KIAA0753: variants seen among roughly 807,000 people sequenced by gnomAD.
KIAA0753 encodes the protein KIAA0753, also known as protein moonraker.
A neutral mutation model predicts 116.9 loss-of-function variants in KIAA0753; 114 were observed. The ratio of observed to expected loss-of-function variants is 0.98; its 90% CI spans 0.84 to 1.14. The LOEUF (loss-of-function observed/expected upper bound fraction) is 1.14. Ranked by LOEUF, KIAA0753 falls within the 50% of genes most tolerant of loss-of-function variation. The probability of loss-of-function intolerance (pLI) is 0.00; values close to 1 mark genes in which losing one functional copy is unlikely to be tolerated. For synonymous variants in KIAA0753, 405 were observed against 413.1 expected (o/e 0.98, Z 0.24); for missense variants, 1,156 against 1,172.4 (o/e 0.99, Z 0.20).
chr17:6,587,106 C>A (rs531481458), intron 18 of KIAA0753, among the ~76,000 whole-genome samples: 46 of 152,192 alleles, frequency 3.0e-4, no homozygotes, highest in Non-Finnish European at 5.1e-4. Flanking sequence ...GTAGCCAGTA[C>A]CTGTAATCCT....
chr17:6,588,464 T>TGGACTCAGGTAGGAGGAAAAGG (rs1968744661), intron 18 of KIAA0753, among the ~76,000 whole-genome samples: 1 of 152,098 alleles, frequency 6.6e-6, no homozygotes, highest in Non-Finnish European at 1.5e-5. Flanking sequence ...AGCAGCCGCC[T>TGGACTCAGGTAGGAGGAAAAGG]GGACTCAGGT....
chr17:6,615,637 A>AAC (rs1970868898), intron 7 of KIAA0753, among the ~76,000 whole-genome samples: 2 of 150,574 alleles, frequency 1.3e-5, no homozygotes, highest in African/African-American at 4.9e-5. Context: ...AAAAAAAAAA[A>AAC]AAAAACCTAA....
chr17:6,590,467 GTGAC>G (rs1968911400), intron 17 of KIAA0753, 39 bp downstream of exon 17: 1 of 1,609,276 alleles, frequency 6.2e-7, no homozygotes, highest in African/African-American at 1.3e-5. Context: ...AACATCAAAG[GTGAC>G]TGACTAGAAT....
chr17:6,611,901 A>C lies in KIAA0753; in HGVS notation c.1545+18T>G. 4.4e-6 allele frequency: 7 copies of C among 1,604,186 alleles called. No homozygotes were observed. The highest frequency in any genetic ancestry group is 6.0e-6 in the Non-Finnish European group (7 of 1,171,636). On this transcript the variant is annotated intron_variant, in intron 8 of 18. Coordinates refer to ENST00000361413, the MANE Select transcript of KIAA0753 (RefSeq NM_014804.3). ...CAGATTAACACAAATGGGCCAAAAG[A>C]GAGGAATGATTTCATACTTGCTGTC...
At chr17:6,630,997 G>A (rs1240198458) in intron 2 of KIAA0753, among the ~76,000 whole-genome samples, 1 of 152,152 alleles carries the variant, frequency 6.6e-6, no homozygotes, top group East Asian at 1.9e-4. Flanking sequence ...AAAGGACAGA[G>A]GGAATGGGGT....
At chr17:6,625,771 T>C (rs1971628421) in intron 3 of KIAA0753, among the ~76,000 whole-genome samples, 1 of 152,122 alleles carries the variant, frequency 6.6e-6, no homozygotes, top group Non-Finnish European at 1.5e-5. Flanking sequence ...CTGTCACCAG[T>C]CTCACACAGC....
chr17:6,584,450 C>T (rs1968417468), intron 18 of KIAA0753, among the ~76,000 whole-genome samples: 1 of 152,184 alleles, frequency 6.6e-6, no homozygotes, highest in Non-Finnish European at 1.5e-5. Context: ...TTTATGTTTG[C>T]TTCACTTTCT....
chr17:6,604,566 T>C (rs897320280), intron 12 of KIAA0753, among the ~76,000 whole-genome samples: 5 of 152,056 alleles, frequency 3.3e-5, no homozygotes, highest in Admixed American at 2.6e-4. Flanking sequence ...ATTCCACTTA[T>C]AATAACACTC....
intron 16 of KIAA0753, 88 bp downstream of exon 16, chr17:6,594,884 G>A: frequency 1.1e-6 from 1 of 922,144 alleles, no homozygotes; most frequent in Non-Finnish European, 1.8e-6. Context: ...GAGTATAGCA[G>A]TGTTTACTAT....
intron 7 of KIAA0753, among the ~76,000 whole-genome samples, chr17:6,613,927 A>G (rs1970712087): frequency 6.6e-6 from 1 of 152,240 alleles, no homozygotes; most frequent in South Asian, 2.1e-4. Context: ...TAGACAAGCC[A>G]AAGTCCAGAA....
intron 1 of KIAA0753, chr17:6,636,660 A>G (rs1195966728): frequency 6.6e-6 from 1 of 152,236 alleles, no homozygotes; most frequent in South Asian, 2.1e-4. Context: ...CATCTCCACG[A>G]AAACCCTCTC....
chr17:6,588,809 A>G (rs1968773586), intron 18 of KIAA0753, among the ~76,000 whole-genome samples: 1 of 152,202 alleles, frequency 6.6e-6, no homozygotes, highest in Admixed American at 6.5e-5. Context: ...TTGTACATAA[A>G]AAAAGGGCTA....
chr17:6,592,380 C>T (rs184418031), intron 16 of KIAA0753, among the ~76,000 whole-genome samples: 1 of 152,296 alleles, frequency 6.6e-6, no homozygotes, highest in South Asian at 2.1e-4. Flanking sequence ...GTAGTACTCA[C>T]GGCGCTTACA....
intron 2 of KIAA0753, among the ~76,000 whole-genome samples, chr17:6,633,577 C>T (rs969888585): frequency 2.0e-5 from 3 of 152,122 alleles, no homozygotes; most frequent in East Asian, 1.9e-4. Context: ...ATAAAAAGAT[C>T]TGTATAAGAA....
chr17:6,597,043 A>G (rs1969533077), intron 14 of KIAA0753, among the ~76,000 whole-genome samples: 1 of 152,208 alleles, frequency 6.6e-6, no homozygotes, highest in Non-Finnish European at 1.5e-5. Flanking sequence ...TAAGCCTGCA[A>G]ATTTGGGCAA....
rs1037103894 is a variant in KIAA0753 at position 6,590,517 on chromosome 17, T to C, written c.2554A>G (p.Asn852Asp). The C allele has an allele frequency of 1.2e-6, 2 of 1,613,970 alleles. No individual in the cohort carries two copies. The highest frequency in any genetic ancestry group is 1.7e-6 in the Non-Finnish European group (2 of 1,179,890). The change falls in exon 17 of 19, where the codon AAT becomes GAT. Residue 852 changes from asparagine (N) to aspartate (D), a missense_variant. Transcript: ENST00000361413. The stretch of plus-strand genomic sequence containing the variant: ...AGTGTCTTTGCCACTTACTTGCCAT[T>C]ACAGGGCCTTTCTAACATGATGTTC... Reference protein sequence around the residue: ...AVNIMLERPCNGNSLDESVGT... With the variant: ...AVNIMLERPCDGNSLDESVGT...
chr17:6,622,618 A>G (rs898032030), intron 6 of KIAA0753, among the ~76,000 whole-genome samples: 5 of 152,274 alleles, frequency 3.3e-5, no homozygotes, highest in African/African-American at 9.6e-5. Context: ...GGAATGGGAC[A>G]TTCTGTTTAG....
chr17:6,600,536 G>A, intron 12 of KIAA0753, 78 bp from the exon 13 acceptor site: 1 of 1,102,182 alleles, frequency 9.1e-7, no homozygotes, highest in Non-Finnish European at 1.4e-6. Context: ...GCCACTCCAG[G>A]AGAAGGGAAA....
chr17:6,624,574 A>ACACACAC, intron 4 of KIAA0753, among the ~76,000 whole-genome samples, 181 bp downstream of exon 4: 1 of 151,326 alleles, frequency 6.6e-6, no homozygotes, highest in Non-Finnish European at 1.5e-5. Flanking sequence ...ACACACACGC[A>ACACACAC]GATTACAAAA....
Sources: gnomAD v4.1 joint callset for allele counts (sites outside exome capture counted in the v4.1 genomes callset) on GRCh38, gnomAD v4.1.1 for gene constraint, MANE v1.5 for transcripts, NCBI Gene and HGNC (gene_info 2026-07-23, HGNC 2026-07-21) for gene names.